MARCHF1: variants seen among roughly 807,000 people sequenced by gnomAD.
MARCHF1 encodes the protein E3 ubiquitin-protein ligase MARCHF1.
Under a neutral mutation model 54.2 loss-of-function variants are expected in MARCHF1, and 40 were observed. The observed-to-expected ratio is 0.74, with a 90% confidence interval of 0.57 to 0.96. The LOEUF (loss-of-function observed/expected upper bound fraction) is 0.96. Among genes scored for constraint, MARCHF1 ranks in the 40% least tolerant of loss-of-function variants. The probability of loss-of-function intolerance (pLI) is 0.00; values close to 1 mark genes in which losing one functional copy is unlikely to be tolerated. For missense variants in MARCHF1, 586 were observed against 656.5 expected (o/e 0.89, Z 1.17); for synonymous variants, 236 against 236.3 (o/e 1.00, Z 0.01).
At chr4:164,341,462 G>A (rs761055667) in intron 1 of MARCHF1, among the ~76,000 whole-genome samples, 1 of 152,120 alleles carries the variant, frequency 6.6e-6, no homozygotes, top group Non-Finnish European at 1.5e-5. Context: ...AAGTAAAATT[G>A]TCTCTGCATG....
intron 3 of MARCHF1, among the ~76,000 whole-genome samples, chr4:163,894,893 T>TAC (rs1343315497): frequency 0.013 from 244 of 18,258 alleles, 98 homozygotes; most frequent in South Asian, 0.071. Flanking sequence ...TGCATATATA[T>TAC]ATGCATGTGA....
At position 164,016,840 on chromosome 4, in the gene MARCHF1, T is replaced by G. The variant is rs1446226319; in HGVS notation, c.-247-28131A>C. On this transcript the variant is annotated intron_variant, in intron 2 of 9. Coordinates refer to ENST00000514618, the MANE Select transcript of MARCHF1 (RefSeq NM_001394959.1). Reference sequence around the variant, plus strand: ...GTTTCAAACACAAAGAAATGATAAATAATTGTGATAGATATCCCATTTACC... The same window carrying G: ...GTTTCAAACACAAAGAAATGATAAAGAATTGTGATAGATATCCCATTTACC... 2.0e-5 allele frequency among the ~76,000 whole-genome samples: 3 copies of G among 152,114 alleles called. No individual in the cohort carries two copies. The East Asian group carries it at 5.8e-4, about 29-fold the overall frequency.
At chr4:164,373,419 A>G (rs1056038311) in intron 1 of MARCHF1, among the ~76,000 whole-genome samples, 3 of 148,072 alleles carry the variant, frequency 2.0e-5, no homozygotes, top group East Asian at 4.0e-4. Context: ...CAATGGCACA[A>G]TCTTGGCTCA....
At chr4:163,636,198 C>A (rs1579139993) in intron 5 of MARCHF1, among the ~76,000 whole-genome samples, 1 of 152,074 alleles carries the variant, frequency 6.6e-6, no homozygotes, top group East Asian at 1.9e-4. Context: ...ACAGGGATGC[C>A]CTCTCTCACC....
intron 2 of MARCHF1, among the ~76,000 whole-genome samples, chr4:164,094,045 T>C (rs908559487): frequency 2.6e-5 from 4 of 152,004 alleles, no homozygotes; most frequent in South Asian, 2.1e-4. Flanking sequence ...CAAACAAGAG[T>C]GCCCCTAATA....
intron 1 of MARCHF1, among the ~76,000 whole-genome samples, chr4:164,345,990 G>T (rs555197105): frequency 2.0e-5 from 3 of 152,168 alleles, no homozygotes; most frequent in Non-Finnish European, 4.4e-5. Flanking sequence ...ACAAGATCAG[G>T]CTTTTACATA....
At chr4:164,256,668 A>C (rs1358578550) in intron 1 of MARCHF1, among the ~76,000 whole-genome samples, 2 of 152,150 alleles carry the variant, frequency 1.3e-5, no homozygotes, top group Non-Finnish European at 2.9e-5. Flanking sequence ...AAATATTATA[A>C]AAATAATTTT....
chr4:163,536,739 A>G (rs936196213), intron 9 of MARCHF1, among the ~76,000 whole-genome samples: 1 of 152,146 alleles, frequency 6.6e-6, no homozygotes, highest in African/African-American at 2.4e-5. Context: ...AGCCTATAAT[A>G]TACCTGGGAA....
chr4:163,606,041 A>T (rs1236782076), intron 7 of MARCHF1, among the ~76,000 whole-genome samples: 1 of 152,134 alleles, frequency 6.6e-6, no homozygotes, highest in Admixed American at 6.6e-5. Context: ...TGCATCCCAG[A>T]ACTTGAAGTA....
At chr4:163,560,858 T>C (rs985801142) in intron 8 of MARCHF1, among the ~76,000 whole-genome samples, 1 of 152,194 alleles carries the variant, frequency 6.6e-6, no homozygotes, top group Non-Finnish European at 1.5e-5. Flanking sequence ...GGTTTTTATA[T>C]ATTGAGCTTA....
intron 1 of MARCHF1, among the ~76,000 whole-genome samples, chr4:164,380,296 A>C (rs1196166640): frequency 7.9e-6 from 1 of 125,894 alleles, no homozygotes; most frequent in East Asian, 2.2e-4. Flanking sequence ...AAAGTGATTA[A>C]GTTCACTAAT....
intron 1 of MARCHF1, among the ~76,000 whole-genome samples, chr4:164,270,264 A>G (rs1733709681): frequency 6.6e-6 from 1 of 152,156 alleles, no homozygotes; most frequent in Non-Finnish European, 1.5e-5. Context: ...ATATAAACAT[A>G]GAGATTGCTC....
chr4:163,994,381 T>C (rs1018823020), intron 2 of MARCHF1, among the ~76,000 whole-genome samples: 2 of 151,468 alleles, frequency 1.3e-5, no homozygotes, highest in Non-Finnish European at 2.9e-5. Flanking sequence ...TCACTGTCAG[T>C]ATCTCTGGGG....
At chr4:164,137,051 A>T (rs1756417692) in intron 1 of MARCHF1, among the ~76,000 whole-genome samples, 1 of 152,114 alleles carries the variant, frequency 6.6e-6, no homozygotes. Flanking sequence ...GAATTGTCTA[A>T]ACAATTTGTT....
chr4:164,276,730 T>C (rs1733891320), intron 1 of MARCHF1, among the ~76,000 whole-genome samples: 2 of 150,724 alleles, frequency 1.3e-5, no homozygotes, highest in Admixed American at 1.3e-4. Flanking sequence ...TTTAGATAAA[T>C]ATCAAACTTT....
At chr4:164,186,237 C>T (rs1371193900) in intron 1 of MARCHF1, among the ~76,000 whole-genome samples, 1 of 152,096 alleles carries the variant, frequency 6.6e-6, no homozygotes, top group East Asian at 1.9e-4. Context: ...AATCCTGAAG[C>T]CCCATAATCA....
At chr4:164,298,334 T>G (rs1224523275) in intron 1 of MARCHF1, among the ~76,000 whole-genome samples, 1 of 152,012 alleles carries the variant, frequency 6.6e-6, no homozygotes, top group Non-Finnish European at 1.5e-5. Flanking sequence ...ACAAATTAAT[T>G]AACCTTAAGT....
chr4:163,625,755 C>T (rs1267141516), intron 5 of MARCHF1, among the ~76,000 whole-genome samples: 1 of 152,130 alleles, frequency 6.6e-6, no homozygotes, highest in East Asian at 1.9e-4. Context: ...CTTCTGCTTT[C>T]TTTGTAAAGT....
chr4:164,371,817 C>T (rs890070583), intron 1 of MARCHF1, among the ~76,000 whole-genome samples: 6 of 152,218 alleles, frequency 3.9e-5, no homozygotes, highest in Admixed American at 3.9e-4. Context: ...CTTAATCCCA[C>T]TACAACATTT....
Sources: allele counts gnomAD v4.1 joint callset (sites outside exome capture counted in the v4.1 genomes callset), GRCh38; gene constraint gnomAD v4.1.1; transcripts MANE v1.5; gene names NCBI Gene and HGNC (gene_info 2026-07-23, HGNC 2026-07-21).